TAS2R38: variants seen among roughly 807,000 people sequenced by gnomAD.
TAS2R38 encodes taste 2 receptor member 38, also known as taste receptor type 2 member 38.
Under a neutral mutation model 16.4 loss-of-function variants are expected in TAS2R38, and 11 were observed. The ratio of observed to expected loss-of-function variants is 0.67; its 90% CI spans 0.42 to 1.11. TAS2R38 has a LOEUF of 1.11. TAS2R38 is among the 50% of genes least tolerant of loss of function. The probability of loss-of-function intolerance (pLI) is 0.00; values close to 1 mark genes in which losing one functional copy is unlikely to be tolerated. For missense variants in TAS2R38, 364 were observed against 395.8 expected (o/e 0.92, Z 0.68); for synonymous variants, 149 against 155.6 (o/e 0.96, Z 0.32).
In TAS2R38 at chr7:141,972,789, T is replaced by A. The variant is rs1803388857; in HGVS notation, c.901A>T (p.Asn301Tyr). 1 of 1,614,072 alleles carries A rather than the reference T, an allele frequency of 6.2e-7. No homozygotes were observed. Among genetic ancestry groups the A allele is most frequent in the Non-Finnish European group, 8.5e-7 (1 of 1,179,958 alleles). Residue 301 changes from asparagine (N) to tyrosine (Y), a missense_variant, in exon 1 of 1, where the codon AAT becomes TAT. Coordinates refer to ENST00000547270, the MANE Select transcript of TAS2R38 (RefSeq NM_176817.5). ...ATCACAGCTCTCCTCAACTTGGCAT[T>A]GCCTGAGATCAGGATGGCTGCATGC... ...SGHAAILISG[N>Y]AKLRRAVMTI...
Position 141,973,183 on chromosome 7 carries a change from T to C in TAS2R38, c.507A>G (p.Thr169=). Residue 169 remains threonine, a synonymous_variant, in exon 1 of 1, where the codon ACA becomes ACG. Transcript: ENST00000547270. The stretch of plus-strand genomic sequence containing the variant: ...TATTCATGAATAGCACAGTTGTGAC[T>C]GTGAAGTGAGGTCTGCTAAAAAAGC... ...VWCFFSRPHF[T]VTTVLFMNNN... 6.2e-7 allele frequency: 1 copy of C among 1,614,106 alleles called. No individual in the cohort carries two copies.
Position 141,973,071 on chromosome 7 carries a change from G to T in TAS2R38, c.619C>A (p.Leu207Ile). Reference protein sequence around the residue: ...FCYLWSVPPFLLFLVSSGMLT... With the variant: ...FCYLWSVPPFILFLVSSGMLT... Reference sequence around the variant, plus strand: ...ATCCCAGAAGAAACCAGAAACAATAGGAAAGGAGGCACAGACCACAGATAG... The same window carrying T: ...ATCCCAGAAGAAACCAGAAACAATATGAAAGGAGGCACAGACCACAGATAG... Residue 207 changes from leucine (L) to isoleucine (I), a missense_variant, in exon 1 of 1, where the codon CTA becomes ATA. Physicochemically the swap from Leu to Ile is conservative, Grantham distance 5 (BLOSUM62 2). Transcript: ENST00000547270. The T allele has an allele frequency of 6.2e-7, 1 of 1,614,018 alleles. No individual in the cohort carries two copies. Among genetic ancestry groups the T allele is most frequent in the Non-Finnish European group, 8.5e-7 (1 of 1,180,020 alleles).
At position 141,972,679 on chromosome 7, in the gene TAS2R38, T is replaced by C. The variant is rs1270738719; in HGVS notation, c.*9A>G. On this transcript the variant is annotated 3_prime_UTR_variant, in exon 1 of 1. Coordinates refer to ENST00000547270, the MANE Select transcript of TAS2R38 (RefSeq NM_176817.5). ...GCGTATTAATGAAGAGCTCATTTCA[T>C]GTCCATTCTCAGCACAGTGTCCGGG... The C allele has an allele frequency of 1.9e-6, 3 of 1,592,536 alleles. No homozygotes were observed. Among genetic ancestry groups the C allele is most frequent in the African/African-American group, 1.3e-5 (1 of 74,248 alleles).
chr7:141,972,892 AG>A lies in TAS2R38; in HGVS notation c.797del (p.Ser266LeufsTer5), dbSNP rs1554444349. ...FVISSCAAFI[S>X]VPLLILWRDK... is the part of the protein sequence containing the mutation. Reference sequence around the variant, plus strand: ...CGCGCCACAGAATCAGTAGGGGCACAGAGATGAAGGCAGCACAGGATGATAT... The same window carrying A: ...CGCGCCACAGAATCAGTAGGGGCACAAGATGAAGGCAGCACAGGATGATAT... On this transcript the variant is annotated frameshift_variant, in exon 1 of 1. Coordinates refer to ENST00000547270, the MANE Select transcript of TAS2R38 (RefSeq NM_176817.5). LOFTEE classifies it high-confidence loss of function. 1.2e-6 allele frequency: 2 copies of A among 1,614,140 alleles called. No homozygotes were observed. The highest frequency in any genetic ancestry group is 1.7e-6 in the Non-Finnish European group (2 of 1,180,018).
Position 141,973,525 on chromosome 7 carries a change from A to C in TAS2R38, c.165T>G (p.Cys55Trp). Reference protein sequence around the residue: ...VKRQALSNSDCVLLCLSISRL... With the variant: ...VKRQALSNSDWVLLCLSISRL... ...GGCTGATGCTGAGACACAGCAGCAC[A>C]CAATCACTGTTGCTCAGTGCCTGCC... Residue 55 changes from cysteine to tryptophan, a missense_variant, in exon 1 of 1, where the codon TGT becomes TGG. Coordinates refer to ENST00000547270, the MANE Select transcript of TAS2R38 (RefSeq NM_176817.5). The C allele has an allele frequency of 6.2e-7, 1 of 1,614,152 alleles. No individual in the cohort carries two copies. The highest frequency in any genetic ancestry group is 2.2e-5 in the East Asian group (1 of 44,870).
Position 141,972,689 on chromosome 7 carries a change from C to T in TAS2R38, c.1001G>A (p.Ter334=). 1 of 1,602,766 alleles carries T rather than the reference C, an allele frequency of 6.2e-7. No individual in the cohort carries two copies. Among genetic ancestry groups the T allele is most frequent in the Non-Finnish European group, 8.5e-7 (1 of 1,173,100 alleles). Reference sequence around the variant, plus strand: ...GAAGAGCTCATTTCATGTCCATTCTCAGCACAGTGTCCGGGAATCTGCCTT... The same window carrying T: ...GAAGAGCTCATTTCATGTCCATTCTTAGCACAGTGTCCGGGAATCTGCCTT... ...DHKADSRTLC[*] The change falls in exon 1 of 1, where the codon TGA becomes TAA. Residue 334 remains the stop codon, a stop_retained_variant. Transcript: ENST00000547270.
In TAS2R38 at chr7:141,973,002, A is replaced by G; in HGVS notation, c.688T>C (p.Tyr230His). 1 of 1,614,180 alleles carries G rather than the reference A, an allele frequency of 6.2e-7. No individual in the cohort carries two copies. The highest frequency in any genetic ancestry group is 1.1e-5 in the South Asian group (1 of 91,086). ...LGRHMRTMKVYTRNSRDPSLE... is the reference protein window; with the variant it reads ...LGRHMRTMKVHTRNSRDPSLE... ...CTGGGGTCACGAGAGTTTCTGGTAT[A>G]GACCTTCATTGTCCTCATGTGCCTT... is the stretch of plus-strand genomic sequence containing the variant. The change falls in exon 1 of 1, where the codon TAT (tyrosine) becomes CAT (histidine). Residue 230 changes from tyrosine to histidine, a missense_variant. Transcript: ENST00000547270.
chr7:141,972,888 G>A lies in TAS2R38; in HGVS notation c.802C>T (p.Pro268Ser), dbSNP rs782118546. ...ISSCAAFISV[P>S]LLILWRDKIG... ...TTGTCGCGCCACAGAATCAGTAGGG[G>A]CACAGAGATGAAGGCAGCACAGGAT... is the stretch of plus-strand genomic sequence containing the variant. Residue 268 changes from proline (P) to serine (S), a missense_variant, in exon 1 of 1, where the codon CCC becomes TCC. Pro to Ser is a moderately conservative substitution (Grantham distance 74). Coordinates refer to ENST00000547270, the MANE Select transcript of TAS2R38 (RefSeq NM_176817.5). 29 of 1,613,974 alleles carry A rather than the reference G, an allele frequency of 1.8e-5. No individual in the cohort carries two copies. In the Middle Eastern group the frequency reaches 4.9e-4, roughly 27 times the overall value.
rs782101633 is a variant in TAS2R38, at chr7:141,972,778, C to CAT, written c.911_912insAT (p.Arg305Ter). 5 of 1,613,972 alleles carry CAT rather than the reference C, an allele frequency of 3.1e-6. No homozygotes were observed. In the East Asian group the frequency reaches 1.1e-4, roughly 36 times the overall value. Reference sequence around the variant, plus strand: ...GCAGAATGGTCATCACAGCTCTCCTCAACTTGGCATTGCCTGAGATCAGGA... The same window carrying CAT: ...GCAGAATGGTCATCACAGCTCTCCTCATAACTTGGCATTGCCTGAGATCAGGA... On this transcript the variant is annotated frameshift_variant, in exon 1 of 1. Transcript: ENST00000547270. LOFTEE classifies it high-confidence loss of function.
At position 141,972,909 on chromosome 7, in the gene TAS2R38, A is replaced by T. The variant is rs1419647066; in HGVS notation, c.781T>A (p.Cys261Ser). Residue 261 changes from cysteine to serine, a missense_variant, in exon 1 of 1, where the codon TGT (cysteine) becomes AGT (serine). Cys to Ser is a moderately radical substitution (Grantham distance 112). Coordinates refer to ENST00000547270, the MANE Select transcript of TAS2R38 (RefSeq NM_176817.5). ...SFFCFFVISS[C>S]AAFISVPLLI... ...AGGGGCACAGAGATGAAGGCAGCACAGGATGATATCACAAAGAAGCAGAAA... is the reference window on the plus strand; with the variant it reads ...AGGGGCACAGAGATGAAGGCAGCACTGGATGATATCACAAAGAAGCAGAAA... 1.2e-5 allele frequency: 20 copies of T among 1,613,996 alleles called. No homozygotes were observed. Among genetic ancestry groups the T allele is most frequent in the Non-Finnish European group, 1.6e-5 (19 of 1,180,024 alleles).
In TAS2R38 at chr7:141,973,704, A is replaced by G; in HGVS notation, c.-15T>C. ...AGAGTCAACATGATGTCACTTCTCT[A>G]ATTGGCTATTCTACTTCTCTTCTCT... On this transcript the variant is annotated 5_prime_UTR_variant, in exon 1 of 1. Coordinates refer to ENST00000547270, the MANE Select transcript of TAS2R38 (RefSeq NM_176817.5). The G allele has an allele frequency of 6.2e-7, 1 of 1,604,568 alleles. No individual in the cohort carries two copies. Among genetic ancestry groups the G allele is most frequent in the South Asian group, 1.1e-5 (1 of 89,374 alleles).
In TAS2R38 at chr7:141,973,654, A is replaced by G; in HGVS notation, c.36T>C (p.Tyr12=). ...LTLTRIRTVS[Y]EVRSTFLFIS... is the part of the protein sequence containing the mutation. ...TGAACAGAAATGTACTCCTGACTTCATAGGACACAGTGCGGATGCGAGTTA... is the reference window on the plus strand; with the variant it reads ...TGAACAGAAATGTACTCCTGACTTCGTAGGACACAGTGCGGATGCGAGTTA... Residue 12 remains tyrosine (Y), a synonymous_variant, in exon 1 of 1, where the codon TAT becomes TAC. Transcript: ENST00000547270. 1 of 1,614,140 alleles carries G rather than the reference A, an allele frequency of 6.2e-7. No individual in the cohort carries two copies. Among genetic ancestry groups the G allele is most frequent in the Non-Finnish European group, 8.5e-7 (1 of 1,180,012 alleles).
chr7:141,973,006 C>A lies in TAS2R38; in HGVS notation c.684G>T (p.Lys228Asn), dbSNP rs781967257. 41 of 1,614,112 alleles carry A rather than the reference C, an allele frequency of 2.5e-5. 1 individual carries two copies. In the South Asian group the frequency reaches 4.3e-4, roughly 17 times the overall value. Residue 228 changes from lysine (K) to asparagine (N), a missense_variant, in exon 1 of 1, where the codon AAG (lysine) becomes AAT (asparagine). Lys to Asn is a moderately conservative substitution (Grantham distance 94). Transcript: ENST00000547270. ...GGTCACGAGAGTTTCTGGTATAGAC[C>A]TTCATTGTCCTCATGTGCCTTCCCA... ...VSLGRHMRTM[K>N]VYTRNSRDPS...
At position 141,973,147 on chromosome 7, in the gene TAS2R38, C is replaced by G; in HGVS notation, c.543G>C (p.Arg181Ser). The stretch of plus-strand genomic sequence containing the variant: ...TGAGATCTTTAATCTGCCAGTTGAG[C>G]CTTGTATTGTTATTCATGAATAGCA... The part of the protein sequence containing the change: ...TTVLFMNNNT[R>S]LNWQIKDLNL... Residue 181 changes from arginine (R) to serine (S), a missense_variant, in exon 1 of 1, where the codon AGG (arginine) becomes AGC (serine). Coordinates refer to ENST00000547270, the MANE Select transcript of TAS2R38 (RefSeq NM_176817.5). 1.2e-6 allele frequency: 2 copies of G among 1,613,980 alleles called. No homozygotes were observed. Among genetic ancestry groups the G allele is most frequent in the Non-Finnish European group, 1.7e-6 (2 of 1,179,994 alleles).
In TAS2R38 at chr7:141,973,751, G is replaced by C. The variant is rs1554444480; in HGVS notation, c.-62C>G. 1 of 1,553,472 alleles carries C rather than the reference G, an allele frequency of 6.4e-7. No individual in the cohort carries two copies. The highest frequency in any genetic ancestry group is 1.4e-5 in the African/African-American group (1 of 73,472). ...CTCTAGTTGGCTAATCTAAAGACCT[G>C]GTTGCCACCCAGTGCAGAAAGGTAA... On this transcript the variant is annotated 5_prime_UTR_variant, in exon 1 of 1. Coordinates refer to ENST00000547270, the MANE Select transcript of TAS2R38 (RefSeq NM_176817.5).
chr7:141,972,978 T>G lies in TAS2R38; in HGVS notation c.712A>C (p.Ser238Arg). The G allele has an allele frequency of 6.2e-7, 1 of 1,614,132 alleles. No homozygotes were observed. The highest frequency in any genetic ancestry group is 8.5e-7 in the Non-Finnish European group (1 of 1,180,036). Residue 238 changes from serine (S) to arginine (R), a missense_variant, in exon 1 of 1, where the codon AGC (serine) becomes CGC (arginine). Physicochemically the swap from Ser to Arg is moderately radical, Grantham distance 110 (BLOSUM62 -1). Transcript: ENST00000547270. The part of the protein sequence containing the change: ...KVYTRNSRDP[S>R]LEAHIKALKS... ...AGGGCTTTAATGTGGGCCTCCAGGC[T>G]GGGGTCACGAGAGTTTCTGGTATAG...
chr7:141,972,826 A>G lies in TAS2R38; in HGVS notation c.864T>C (p.Ala288=). 2 of 1,614,136 alleles carry G rather than the reference A, an allele frequency of 1.2e-6. No homozygotes were observed. The highest frequency in any genetic ancestry group is 1.7e-6 in the Non-Finnish European group (2 of 1,180,010). The change falls in exon 1 of 1, where the codon GCT becomes GCC. Residue 288 remains alanine, a synonymous_variant. Coordinates refer to ENST00000547270, the MANE Select transcript of TAS2R38 (RefSeq NM_176817.5). ...GVMVCVGIMA[A]CPSGHAAILI... is the part of the protein sequence containing the mutation. Reference sequence around the variant, plus strand: ...GGATGGCTGCATGCCCAGAGGGACAAGCTGCCATTATCCCAACACAAACCA... The same window carrying G: ...GGATGGCTGCATGCCCAGAGGGACAGGCTGCCATTATCCCAACACAAACCA...
In TAS2R38 at chr7:141,972,883, T is replaced by C. The variant is rs782000949; in HGVS notation, c.807A>G (p.Leu269=). The C allele has an allele frequency of 4.3e-6, 7 of 1,613,930 alleles. No individual in the cohort carries two copies. In the South Asian group the frequency reaches 7.7e-5, roughly 18 times the overall value. ...SSCAAFISVP[L]LILWRDKIGV... ...CTATTTTGTCGCGCCACAGAATCAGTAGGGGCACAGAGATGAAGGCAGCAC... is the reference window on the plus strand; with the variant it reads ...CTATTTTGTCGCGCCACAGAATCAGCAGGGGCACAGAGATGAAGGCAGCAC... The change falls in exon 1 of 1, where the codon CTA becomes CTG. Residue 269 remains leucine (L), a synonymous_variant. Transcript: ENST00000547270.
chr7:141,972,942 C>T lies in TAS2R38; in HGVS notation c.748G>A (p.Val250Ile), dbSNP rs1554444358. The T allele has an allele frequency of 1.2e-6, 2 of 1,613,902 alleles. No homozygotes were observed. Among genetic ancestry groups the T allele is most frequent in the African/African-American group, 2.7e-5 (2 of 74,870 alleles). The change falls in exon 1 of 1, where the codon GTC becomes ATC. Residue 250 changes from valine to isoleucine, a missense_variant. By Grantham distance (29) the Val-to-Ile change is conservative. Coordinates refer to ENST00000547270, the MANE Select transcript of TAS2R38 (RefSeq NM_176817.5). ...ATCACAAAGAAGCAGAAAAAGGAGACAAGAGACTTGAGGGCTTTAATGTGG... is the reference window on the plus strand; with the variant it reads ...ATCACAAAGAAGCAGAAAAAGGAGATAAGAGACTTGAGGGCTTTAATGTGG... ...EAHIKALKSL[V>I]SFFCFFVISS...
Sources: allele counts gnomAD v4.1 joint callset, GRCh38; gene constraint gnomAD v4.1.1; transcripts MANE v1.5; gene names NCBI Gene and HGNC (gene_info 2026-07-23, HGNC 2026-07-21).